Variants in ROBO2 observed in about 807,000 individuals in gnomAD.
The protein encoded by ROBO2 is roundabout guidance receptor 2.
A neutral mutation model predicts 160.8 loss-of-function variants in ROBO2; 53 were observed. That is an observed-to-expected ratio of 0.33 (90% CI 0.26 to 0.41). The LOEUF (loss-of-function observed/expected upper bound fraction) is 0.41. Among genes scored for constraint, ROBO2 ranks in the 10% least tolerant of loss-of-function variants. The pLI is 1.00. For missense variants in ROBO2, 1,577 were observed against 1,722.4 expected (o/e 0.92, Z 1.49); for synonymous variants, 664 against 611.7 (o/e 1.09, Z -1.26).
chr3:77,571,233 A>T (rs1240291262), intron 13 of ROBO2, among the ~76,000 whole-genome samples: 2 of 151,978 alleles, frequency 1.3e-5, no homozygotes, highest in African/African-American at 4.8e-5. Context: ...CCATCAAAGA[A>T]AATTCACTTT....
intron 2 of ROBO2, among the ~76,000 whole-genome samples, chr3:77,350,994 T>G (rs1040979813): frequency 2.6e-5 from 4 of 152,220 alleles, no homozygotes; most frequent in African/African-American, 9.6e-5. Context: ...TTTCTATATG[T>G]GTCAATAAGT....
chr3:76,307,343 C>A (rs1388242330), intron 2 of ROBO2, among the ~76,000 whole-genome samples: 2 of 152,200 alleles, frequency 1.3e-5, no homozygotes, highest in East Asian at 3.8e-4. Flanking sequence ...TTAATATATA[C>A]CTCCTTTATA....
At chr3:76,375,723 A>G (rs1289950505) in intron 2 of ROBO2, among the ~76,000 whole-genome samples, 1 of 152,108 alleles carries the variant, frequency 6.6e-6, no homozygotes, top group Non-Finnish European at 1.5e-5. Flanking sequence ...AAGCAGTGTG[A>G]ATGGCACAAA....
At chr3:77,340,999 T>C (rs2066998799) in intron 2 of ROBO2, among the ~76,000 whole-genome samples, 1 of 152,162 alleles carries the variant, frequency 6.6e-6, no homozygotes, top group Admixed American at 6.6e-5. Context: ...ACATTTTTAA[T>C]GGCTGACAAA....
intron 2 of ROBO2, among the ~76,000 whole-genome samples, chr3:76,066,317 T>C (rs1330508491): frequency 6.6e-6 from 1 of 152,134 alleles, no homozygotes; most frequent in Non-Finnish European, 1.5e-5. Flanking sequence ...ATCAAATCTG[T>C]AGTCTTACAC....
intron 2 of ROBO2, among the ~76,000 whole-genome samples, chr3:77,315,527 ACTTTGAATTCATATCCTCTAATC>A (rs2063905409): frequency 6.6e-6 from 1 of 152,226 alleles, no homozygotes; most frequent in Non-Finnish European, 1.5e-5. Flanking sequence ...GCTAGAAGTG[ACTTTGAATTCATATCCTCTAATC>A]CTTTCACTCA....
intron 22 of ROBO2, 31 bp from the exon 24 acceptor site, chr3:77,622,196 T>C: frequency 1.2e-6 from 2 of 1,602,548 alleles, no homozygotes; most frequent in Non-Finnish European, 1.7e-6. Context: ...AATAAGTTGC[T>C]TTTCTTTTTT....
intron 2 of ROBO2, among the ~76,000 whole-genome samples, chr3:76,516,637 G>C (rs561546773): frequency 4.7e-4 from 63 of 133,728 alleles, no homozygotes; most frequent in African/African-American, 1.5e-3. Context: ...CTAGGAAAAT[G>C]AATTCTTTAA....
intron 2 of ROBO2, among the ~76,000 whole-genome samples, chr3:76,544,502 T>G (rs1196266139): frequency 1.3e-5 from 2 of 152,082 alleles, no homozygotes; most frequent in Non-Finnish European, 2.9e-5. Context: ...TTTTTTTGGC[T>G]TTTTAAATTC....
chr3:76,829,477 A>AT (rs1259483351), intron 2 of ROBO2, among the ~76,000 whole-genome samples: 3 of 151,902 alleles, frequency 2.0e-5, no homozygotes, highest in Admixed American at 6.6e-5. Context: ...TGAAAGTATA[A>AT]TAAAAAAAAA....
chr3:76,438,862 A>G (rs1327863670), intron 2 of ROBO2, among the ~76,000 whole-genome samples: 1 of 151,856 alleles, frequency 6.6e-6, no homozygotes, highest in Non-Finnish European at 1.5e-5. Context: ...CGAGATTTTG[A>G]GATAAGTGTC....
At chr3:76,120,350 G>A (rs980323598) in intron 2 of ROBO2, among the ~76,000 whole-genome samples, 5 of 151,702 alleles carry the variant, frequency 3.3e-5, no homozygotes, top group Non-Finnish European at 7.3e-5. Context: ...ATCACAGGTT[G>A]TGAGTGGTAG....
intron 2 of ROBO2, among the ~76,000 whole-genome samples, chr3:75,991,611 A>C (rs191194159): frequency 6.6e-6 from 1 of 152,138 alleles, no homozygotes; most frequent in African/African-American, 2.4e-5. Flanking sequence ...GCATGAAAGC[A>C]AACTAATACA....
At chr3:76,046,930 T>G (rs538382075) in intron 2 of ROBO2, among the ~76,000 whole-genome samples, 15 of 152,210 alleles carry the variant, frequency 9.9e-5, no homozygotes, top group Non-Finnish European at 2.2e-4. Flanking sequence ...AAGTATCCAT[T>G]TGTTCATTGA....
intron 2 of ROBO2, among the ~76,000 whole-genome samples, chr3:76,641,777 C>A (rs901630283): frequency 1.3e-5 from 2 of 152,154 alleles, no homozygotes; most frequent in African/African-American, 4.8e-5. Context: ...TCCTCTCTAT[C>A]ACCTAGGCTG....
chr3:77,430,633 C>G (rs2078671964), intron 2 of ROBO2, among the ~76,000 whole-genome samples: 1 of 152,000 alleles, frequency 6.6e-6, no homozygotes, highest in Non-Finnish European at 1.5e-5. Flanking sequence ...AAGGAGGCCC[C>G]AGAGAGCTGC....
chr3:76,485,024 C>T (rs531396163), intron 2 of ROBO2, among the ~76,000 whole-genome samples: 8 of 151,966 alleles, frequency 5.3e-5, no homozygotes, highest in Non-Finnish European at 1.2e-4. Flanking sequence ...AATTGCAGTC[C>T]CCAACCTTTT....
At chr3:76,946,160 T>A (rs1435859239) in intron 2 of ROBO2, among the ~76,000 whole-genome samples, 1 of 152,158 alleles carries the variant, frequency 6.6e-6, no homozygotes, top group Admixed American at 6.5e-5. Context: ...ACGGCAAAGT[T>A]TTGCCTGAGT....
chr3:76,217,313 C>G (rs1223074826), intron 2 of ROBO2, among the ~76,000 whole-genome samples: 1 of 152,090 alleles, frequency 6.6e-6, no homozygotes, highest in Non-Finnish European at 1.5e-5. Context: ...TAACTAAAAT[C>G]AGAGCAGAAC....
Sources: allele counts gnomAD v4.1 joint callset (sites outside exome capture counted in the v4.1 genomes callset), GRCh38; gene constraint gnomAD v4.1.1; transcripts MANE v1.5; gene names NCBI Gene and HGNC (gene_info 2026-07-23, HGNC 2026-07-21).